The following KAT6B variants were observed in gnomAD, a reference collection of about 807,000 sequenced individuals.
KAT6B encodes the protein histone acetyltransferase KAT6B.
KAT6B carries 10 observed loss-of-function variants against 187.5 expected under a neutral mutation model. The ratio of observed to expected loss-of-function variants is 0.05; its 90% confidence interval spans 0.03 to 0.09. The LOEUF (loss-of-function observed/expected upper bound fraction) is 0.09, where lower values mean the gene tolerates loss of function less well. KAT6B is among the 10% of genes least tolerant of loss of function. The pLI is 1.00. For synonymous variants in KAT6B, 861 were observed against 926.8 expected (o/e 0.93, Z 1.29); for missense variants, 1,952 against 2,558.9 (o/e 0.76, Z 5.12).
intron 3 of KAT6B, among the ~76,000 whole-genome samples, chr10:74,876,231 C>T (rs890739481): frequency 6.6e-6 from 1 of 152,132 alleles, no homozygotes; most frequent in African/African-American, 2.4e-5. Context: ...CCCACCCCTG[C>T]CGGCTTTTAA....
upstream of KAT6B, among the ~76,000 whole-genome samples, chr10:74,825,827 C>T (rs934206117): frequency 2.3e-4 from 34 of 151,038 alleles, no homozygotes; most frequent in African/African-American, 8.3e-4. The surrounding 1 kb of genome is among the most constrained non-coding windows in gnomAD (Gnocchi z 5.0). Context: ...CGACATCGTT[C>T]TGCCTGCACC....
chr10:74,837,007 C>T (rs1229185859), intron 1 of KAT6B, among the ~76,000 whole-genome samples: 1 of 152,150 alleles, frequency 6.6e-6, no homozygotes, highest in Admixed American at 6.5e-5. Flanking sequence ...TTGCCTCATC[C>T]ATAATCTCAT....
chr10:74,951,997 G>A (rs1840350608), intron 3 of KAT6B, among the ~76,000 whole-genome samples: 1 of 152,146 alleles, frequency 6.6e-6, no homozygotes, highest in Admixed American at 6.5e-5. Flanking sequence ...TTTAGTAAGG[G>A]AAACAGACAA....
intron 7 of KAT6B, among the ~76,000 whole-genome samples, chr10:74,973,458 A>G (rs1178866298): frequency 6.6e-6 from 1 of 152,204 alleles, no homozygotes; most frequent in East Asian, 1.9e-4. Context: ...ACAGACTACC[A>G]CCATCTTTTC....
intron 13 of KAT6B, among the ~76,000 whole-genome samples, chr10:75,019,074 G>A (rs1275342468): frequency 2.6e-5 from 4 of 152,084 alleles, no homozygotes; most frequent in East Asian, 3.9e-4. Context: ...GGCTGGCTTC[G>A]GCACAGTGGC....
At chr10:74,830,378 A>G (rs746655682) in intron 1 of KAT6B, among the ~76,000 whole-genome samples, 11 of 152,132 alleles carry the variant, frequency 7.2e-5, no homozygotes, top group Non-Finnish European at 1.3e-4. Flanking sequence ...CCATGTGCAC[A>G]AGTTTCTCTA....
intron 13 of KAT6B, among the ~76,000 whole-genome samples, chr10:75,008,140 A>G (rs908200297): frequency 2.6e-5 from 4 of 152,242 alleles, no homozygotes; most frequent in African/African-American, 9.6e-5. Flanking sequence ...GAGGATTCGG[A>G]CAAGGAATGG....
chr10:74,888,523 A>G (rs1050063225), intron 3 of KAT6B, among the ~76,000 whole-genome samples: 1 of 152,214 alleles, frequency 6.6e-6, no homozygotes, highest in African/African-American at 2.4e-5. Flanking sequence ...TACACATTAA[A>G]GCAACTAGAT....
At chr10:74,911,301 T>A (rs1847188387) in intron 3 of KAT6B, among the ~76,000 whole-genome samples, 1 of 151,588 alleles carries the variant, frequency 6.6e-6, no homozygotes, top group Admixed American at 6.6e-5. Context: ...GACTAAGTAT[T>A]GCTCTGTAGC....
In KAT6B at chr10:74,842,776, G is replaced by A; in HGVS notation, c.-82G>A. The A allele has an allele frequency of 6.9e-7, 1 of 1,447,054 alleles. No homozygotes were observed. Among genetic ancestry groups the A allele is most frequent in the Non-Finnish European group, 9.7e-7 (1 of 1,035,206 alleles). 89.6% of individuals were successfully genotyped at this position (1,447,054 alleles called of 1,614,324 possible). Reference sequence around the variant, plus strand: ...TCTGTCCATTTGTTGAATTGTAAATGACTTTCAAATGTGCAAGTTCTGTTA... The same window carrying A: ...TCTGTCCATTTGTTGAATTGTAAATAACTTTCAAATGTGCAAGTTCTGTTA... On this transcript the variant is annotated 5_prime_UTR_variant, in exon 3 of 18. It removes an upstream start codon present in the reference 5' UTR. Transcript: ENST00000287239.
At chr10:74,931,753 C>G (rs1456400029) in intron 3 of KAT6B, among the ~76,000 whole-genome samples, 4 of 152,212 alleles carry the variant, frequency 2.6e-5, no homozygotes, top group Non-Finnish European at 5.9e-5. Flanking sequence ...TTCTGTTGCT[C>G]AGGCTGGAGT....
At chr10:74,841,875 G>A (rs1841768126) in intron 2 of KAT6B, among the ~76,000 whole-genome samples, 1 of 152,144 alleles carries the variant, frequency 6.6e-6, no homozygotes, top group African/African-American at 2.4e-5. Context: ...GGTGGTTTTT[G>A]TATATACCAA....
intron 7 of KAT6B, among the ~76,000 whole-genome samples, chr10:74,973,714 A>G (rs1841985350): frequency 6.6e-6 from 1 of 152,206 alleles, no homozygotes; most frequent in African/African-American, 2.4e-5. Flanking sequence ...CCCTTTAACC[A>G]GTAGACATTT....
intron 7 of KAT6B, among the ~76,000 whole-genome samples, 176 bp downstream of exon 7, chr10:74,972,815 A>G (rs1841933171): frequency 6.6e-6 from 1 of 152,106 alleles, no homozygotes; most frequent in South Asian, 2.1e-4. Flanking sequence ...AACATTTTTA[A>G]TTACCATTGG....
chr10:74,981,778 C>CT lies in KAT6B; in HGVS notation c.2232-6dup, dbSNP rs1326976101. The CT allele has an allele frequency of 8.0e-6, 12 of 1,493,896 alleles. No individual in the cohort carries two copies. Among genetic ancestry groups the CT allele is most frequent in the Non-Finnish European group, 1.0e-5 (11 of 1,072,144 alleles). The allele number at this position is 1,493,896 out of a possible 1,614,324, so 92.5% of individuals were successfully genotyped here. ...TCTGATAGATTCTATGATTTTTAAA[C>CT]TTTAACAGATTACCAAAGCTTTACC... On this transcript the variant is annotated splice_polypyrimidine_tract_variant and intron_variant, in intron 10 of 17. Transcript: ENST00000287239.
rs745449446 is a variant in KAT6B, at chr10:75,021,870, T to A, written c.3022-11T>A. The A allele has an allele frequency of 3.7e-6, 6 of 1,613,884 alleles. No individual in the cohort carries two copies. In the South Asian group the frequency reaches 6.6e-5, roughly 18 times the overall value. On this transcript the variant is annotated splice_polypyrimidine_tract_variant and intron_variant, in intron 15 of 17. Coordinates refer to ENST00000287239, the MANE Select transcript of KAT6B (RefSeq NM_012330.4). ...CTCTCACTGGCCACCATTTTTACCCTCCCCACTTAGGCTGAGCGGCTAATG... is the reference window on the plus strand; with the variant it reads ...CTCTCACTGGCCACCATTTTTACCCACCCCACTTAGGCTGAGCGGCTAATG...
chr10:74,888,218 G>A (rs1845422281), intron 3 of KAT6B, among the ~76,000 whole-genome samples: 1 of 152,312 alleles, frequency 6.6e-6, no homozygotes, highest in East Asian at 1.9e-4. Context: ...GTACATGTAA[G>A]TAATCTTGGG....
intron 4 of KAT6B, among the ~76,000 whole-genome samples, chr10:74,965,871 G>A (rs1260432365): frequency 1.3e-5 from 2 of 150,526 alleles, no homozygotes; most frequent in Admixed American, 6.6e-5. Flanking sequence ...GACTACAGGC[G>A]CCCGCCACCA....
At chr10:74,877,233 T>G (rs1176789453) in intron 3 of KAT6B, among the ~76,000 whole-genome samples, 1 of 152,190 alleles carries the variant, frequency 6.6e-6, no homozygotes, top group Non-Finnish European at 1.5e-5. Flanking sequence ...CCCAAAGTGC[T>G]GGGATTACAG....
Sources: gnomAD v4.1 joint callset for allele counts (sites outside exome capture counted in the v4.1 genomes callset) on GRCh38, gnomAD v4.1.1 for gene constraint, Gnocchi (gnomAD v3.1) non-coding constraint, MANE v1.5 for transcripts, NCBI Gene and HGNC (gene_info 2026-07-23, HGNC 2026-07-21) for gene names.